The following ZNF346 variants were observed in gnomAD, a reference collection of about 807,000 sequenced individuals.
The protein encoded by ZNF346 is double-stranded RNA-binding zinc finger protein JAZ.
ZNF346 carries 23 observed loss-of-function variants against 33.7 expected under a neutral mutation model. The observed-to-expected ratio is 0.68, with a 90% confidence interval of 0.49 to 0.97. The LOEUF (loss-of-function observed/expected upper bound fraction) is 0.97. ZNF346 is among the 50% of genes least tolerant of loss of function. The pLI, the probability that ZNF346 is intolerant of heterozygous loss-of-function variation, is 0.00. For synonymous variants in ZNF346, 134 were observed against 142.4 expected, an observed-to-expected ratio of 0.94 and a Z score of 0.42; for missense variants, 340 against 371.1, an observed-to-expected ratio of 0.92 and a Z score of 0.69.
At chr5:177,029,722 C>T (rs931787599) in intron 1 of ZNF346, among the ~76,000 whole-genome samples, 1 of 152,198 alleles carries the variant, frequency 6.6e-6, no homozygotes, top group South Asian at 2.1e-4. Context: ...CACATTCACA[C>T]GCTTGCTGGG....
At chr5:177,033,014 A>G (rs571503720) in intron 1 of ZNF346, among the ~76,000 whole-genome samples, 2 of 152,270 alleles carry the variant, frequency 1.3e-5, no homozygotes, top group East Asian at 1.9e-4. Context: ...AAAATACTAC[A>G]TTGTCTAACC....
intron 5 of ZNF346, among the ~76,000 whole-genome samples, chr5:177,056,075 C>CAAAAA (rs386405776): frequency 1.0e-4 from 10 of 97,056 alleles, no homozygotes; most frequent in Non-Finnish European, 1.6e-4. Context: ...GACTCCGTCT[C>CAAAAA]AAAAAAAAAA....
chr5:177,044,309 G>A, intron 3 of ZNF346, 80 bp from the exon 4 acceptor site: 1 of 1,555,736 alleles, frequency 6.4e-7, no homozygotes, highest in South Asian at 1.1e-5. Flanking sequence ...TGCCTGTTCT[G>A]TTATGGGCAG....
exon 9 of ZNF346, chr5:177,080,125 C>T (rs1028901976): frequency 6.6e-6 from 1 of 152,308 alleles, no homozygotes; most frequent in African/African-American, 2.4e-5. Flanking sequence ...TCTAAACTCT[C>T]TGCCTCCACA....
At chr5:177,054,869 A>G (rs752176050) in intron 5 of ZNF346, among the ~76,000 whole-genome samples, 1 of 152,236 alleles carries the variant, frequency 6.6e-6, no homozygotes, top group Non-Finnish European at 1.5e-5. Flanking sequence ...TAACTAATTC[A>G]ATTTACTTAG....
At chr5:177,041,084 A>G (rs764917217) in intron 1 of ZNF346, 42 bp from the exon 2 acceptor site, 7 of 1,448,766 alleles carry the variant, frequency 4.8e-6, no homozygotes, top group African/African-American at 2.8e-5. Context: ...CTGTTGAGGT[A>G]GTGTTTGTCA....
chr5:177,043,146 C>T (rs986825887), intron 3 of ZNF346, among the ~76,000 whole-genome samples: 1 of 152,106 alleles, frequency 6.6e-6, no homozygotes, highest in Non-Finnish European at 1.5e-5. Flanking sequence ...GCCACTGCGC[C>T]CAGCCGCCTG....
intron 3 of ZNF346, among the ~76,000 whole-genome samples, chr5:177,043,501 C>T (rs1210337092): frequency 6.6e-6 from 1 of 152,090 alleles, no homozygotes; most frequent in Non-Finnish European, 1.5e-5. Context: ...TGCGGTGGCT[C>T]ATACCTGTAA....
chr5:177,037,150 A>T (rs1023078189), intron 1 of ZNF346, among the ~76,000 whole-genome samples: 3 of 151,870 alleles, frequency 2.0e-5, no homozygotes, highest in African/African-American at 4.8e-5. Context: ...TCTGCAGGAG[A>T]TCTCCTCACT....
intron 1 of ZNF346, among the ~76,000 whole-genome samples, chr5:177,038,256 G>T (rs1424016472): frequency 5.3e-5 from 7 of 132,260 alleles, no homozygotes; most frequent in East Asian, 2.4e-4. Context: ...GCCCAACTAC[G>T]TTTTTTTTTT....
chr5:177,048,613 C>T (rs1016523235), intron 4 of ZNF346, among the ~76,000 whole-genome samples: 3 of 152,010 alleles, frequency 2.0e-5, no homozygotes, highest in African/African-American at 7.2e-5. Flanking sequence ...AAGAGCAAAA[C>T]TCCATCTCAA....
rs554118193 is a variant in ZNF346 at position 177,045,059 on chromosome 5, A to G, written c.517+526A>G. 3.9e-5 allele frequency among the ~76,000 whole-genome samples: 6 copies of G among 152,324 alleles called. No homozygotes were observed. In the South Asian group the frequency reaches 8.3e-4, roughly 21 times the overall value. ...TACTGCCCCACAATCTGTAACTGCC[A>G]TGAATTCATTCCCAGTACAGTGACT... On this transcript the variant is annotated intron_variant, in intron 4 of 6. Transcript: ENST00000358149.
At position 177,067,293 on chromosome 5, in the gene ZNF346, C is replaced by A. The variant is rs931988038; in HGVS notation, c.*2694C>A. ...AAAAAAGAAAGGAATGTTATGGCCT[C>A]AAGAGCTCTTTGTCCATCCTTTACT... On this transcript the variant is annotated 3_prime_UTR_variant, in exon 7 of 7. Coordinates refer to ENST00000358149, the MANE Select transcript of ZNF346 (RefSeq NM_012279.4). 6.6e-6 allele frequency among the ~76,000 whole-genome samples: 1 copy of A among 152,180 alleles called. No homozygotes were observed. Among genetic ancestry groups the A allele is most frequent in the Non-Finnish European group, 1.5e-5 (1 of 68,038 alleles).
chr5:177,069,508 A>C (rs1265456454), downstream of ZNF346, among the ~76,000 whole-genome samples: 1 of 150,586 alleles, frequency 6.6e-6, no homozygotes, highest in Non-Finnish European at 1.5e-5. Context: ...CTTTATTTGA[A>C]TATAGCACAA....
intron 2 of ZNF346, 115 bp from the exon 3 acceptor site, chr5:177,041,663 C>A: frequency 1.5e-6 from 1 of 677,148 alleles, no homozygotes; most frequent in Non-Finnish European, 2.6e-6. Context: ...CCCTCACCTC[C>A]TCCTCAAAAC....
chr5:177,031,520 G>C (rs1290600895), intron 1 of ZNF346, among the ~76,000 whole-genome samples: 1 of 151,896 alleles, frequency 6.6e-6, no homozygotes, highest in Non-Finnish European at 1.5e-5. Context: ...CTCTCTCACC[G>C]CTTTCAGGAT....
At chr5:177,044,276 T>TA in intron 3 of ZNF346, 113 bp from the exon 4 acceptor site, 7 of 1,186,728 alleles carry the variant, frequency 5.9e-6, no homozygotes, top group Non-Finnish European at 8.4e-6. Flanking sequence ...AGGTTGGGGT[T>TA]AATGTGTGAG....
At chr5:177,047,422 C>G (rs1457239845) in intron 4 of ZNF346, among the ~76,000 whole-genome samples, 1 of 151,726 alleles carries the variant, frequency 6.6e-6, no homozygotes, top group African/African-American at 2.4e-5. Context: ...ACTGCAACCT[C>G]TGCCCCACCA....
At chr5:177,036,169 T>C (rs1778484614) in intron 1 of ZNF346, among the ~76,000 whole-genome samples, 1 of 152,050 alleles carries the variant, frequency 6.6e-6, no homozygotes, top group Non-Finnish European at 1.5e-5. Flanking sequence ...GGGTGGAGCC[T>C]CTGGGGGCTG....
Sources: gnomAD v4.1 joint callset for allele counts (sites outside exome capture counted in the v4.1 genomes callset) on GRCh38, gnomAD v4.1.1 for gene constraint, MANE v1.5 for transcripts, NCBI Gene and HGNC (gene_info 2026-07-23, HGNC 2026-07-21) for gene names.